The following TMC1 variants were observed in gnomAD, a reference collection of about 807,000 sequenced individuals.
TMC1 encodes the protein transmembrane channel-like protein 1.
Under a neutral mutation model 105.8 loss-of-function variants are expected in TMC1, and 84 were observed. The ratio of observed to expected loss-of-function variants is 0.79; its 90% CI spans 0.67 to 0.95. The LOEUF (loss-of-function observed/expected upper bound fraction) is 0.95. TMC1 is among the 40% of genes least tolerant of loss of function. The pLI, the probability that TMC1 is intolerant of heterozygous loss-of-function variation, is 0.00. For missense variants in TMC1, 817 were observed against 914.1 expected, an observed-to-expected ratio of 0.89 and a Z score of 1.37; for synonymous variants, 315 against 311.5, an observed-to-expected ratio of 1.01 and a Z score of -0.12.
At chr9:72,612,021 C>G (rs531162138) in intron 2 of TMC1, among the ~76,000 whole-genome samples, 3 of 152,118 alleles carry the variant, frequency 2.0e-5, no homozygotes, top group Non-Finnish European at 4.4e-5. Context: ...CCTCCTGCTT[C>G]TGTTTGGATT....
intron 5 of TMC1, among the ~76,000 whole-genome samples, chr9:72,653,835 CA>C (rs1320208771): frequency 6.6e-6 from 1 of 152,144 alleles, no homozygotes; most frequent in Non-Finnish European, 1.5e-5. Flanking sequence ...TGCTTTTTGT[CA>C]GCGTAAATTA....
chr9:72,796,375 AG>A (rs910524662), intron 17 of TMC1, among the ~76,000 whole-genome samples: 4 of 152,196 alleles, frequency 2.6e-5, no homozygotes, highest in Non-Finnish European at 5.9e-5. Context: ...TCATCCTATG[AG>A]GCCAGTATCA....
chr9:72,830,576 A>T, intron 22 of TMC1, 47 bp downstream of exon 22: 1 of 1,601,918 alleles, frequency 6.2e-7, no homozygotes, highest in South Asian at 1.1e-5. Context: ...ATTAATGTCA[A>T]GCAGTAGAAA....
At chr9:72,633,496 G>A (rs1825483182) in intron 4 of TMC1, among the ~76,000 whole-genome samples, 1 of 152,204 alleles carries the variant, frequency 6.6e-6, no homozygotes, top group Non-Finnish European at 1.5e-5. Flanking sequence ...GGTGGTTAAG[G>A]TCATGGGAGT....
At chr9:72,655,824 T>C (rs1825875453) in intron 5 of TMC1, 1 of 686,564 alleles carries the variant, frequency 1.5e-6, no homozygotes, top group Non-Finnish European at 2.6e-6. Context: ...TTTATTAAAA[T>C]AGTTGACTTA....
intron 1 of TMC1, among the ~76,000 whole-genome samples, chr9:72,527,958 G>A (rs1237938461): frequency 6.6e-6 from 1 of 152,056 alleles, no homozygotes; most frequent in Non-Finnish European, 1.5e-5. Flanking sequence ...GTTTTCTTGC[G>A]ATACTTCCCC....
At chr9:72,656,220 T>G in intron 5 of TMC1, 1 of 499,000 alleles carries the variant, frequency 2.0e-6, no homozygotes. Flanking sequence ...CTGACCTACT[T>G]GTTCCGGCAA....
chr9:72,584,091 A>G (rs1306013569), intron 2 of TMC1, among the ~76,000 whole-genome samples: 1 of 152,318 alleles, frequency 6.6e-6, no homozygotes, highest in South Asian at 2.1e-4. Flanking sequence ...AAGAAATACA[A>G]AACAAACTAA....
At chr9:72,657,118 G>C (rs1825896151) in intron 5 of TMC1, among the ~76,000 whole-genome samples, 1 of 152,174 alleles carries the variant, frequency 6.6e-6, no homozygotes, top group Non-Finnish European at 1.5e-5. Context: ...AGCTCTCTCT[G>C]TATCACTGTT....
At chr9:72,526,813 G>A (rs1475523529) in intron 1 of TMC1, among the ~76,000 whole-genome samples, 1 of 152,156 alleles carries the variant, frequency 6.6e-6, no homozygotes, top group Non-Finnish European at 1.5e-5. Flanking sequence ...CAGGCTTGGA[G>A]ACCACATATG....
intron 1 of TMC1, among the ~76,000 whole-genome samples, chr9:72,546,222 G>C (rs1823766539): frequency 6.6e-6 from 1 of 152,098 alleles, no homozygotes; most frequent in Middle Eastern, 3.2e-3. Flanking sequence ...GAATGCAGAA[G>C]GCGGAGGTTG....
At chr9:72,805,690 G>A (rs536275576) in intron 18 of TMC1, among the ~76,000 whole-genome samples, 180 bp downstream of exon 18, 9 of 151,426 alleles carry the variant, frequency 5.9e-5, no homozygotes, top group Non-Finnish European at 1.3e-4. Flanking sequence ...AGGACCCTGC[G>A]GCCTTCCGCA....
intron 23 of TMC1, among the ~76,000 whole-genome samples, chr9:72,833,828 C>A (rs1163259910): frequency 6.6e-6 from 1 of 152,124 alleles, no homozygotes; most frequent in African/African-American, 2.4e-5. Context: ...CTTTCTTGAG[C>A]AACTTGTATT....
chr9:72,814,538 A>C (rs918259655), intron 18 of TMC1, among the ~76,000 whole-genome samples: 14 of 152,188 alleles, frequency 9.2e-5, no homozygotes, highest in African/African-American at 3.1e-4. Flanking sequence ...GTGATACTGC[A>C]GTTATCCAGG....
At chr9:72,795,548 A>C (rs1828350145) in intron 17 of TMC1, among the ~76,000 whole-genome samples, 2 of 152,212 alleles carry the variant, frequency 1.3e-5, no homozygotes. Context: ...GGCCAAACTA[A>C]GCTTCCTAAG....
chr9:72,617,861 G>A (rs973186111), intron 3 of TMC1, among the ~76,000 whole-genome samples: 15 of 151,662 alleles, frequency 9.9e-5, no homozygotes, highest in Admixed American at 2.0e-4. Flanking sequence ...GAGCAAACTA[G>A]AGAAAATGTG....
At position 72,669,575 on chromosome 9, in the gene TMC1, T is replaced by C. The variant is rs766502057; in HGVS notation, c.17-19134T>C. Among the ~76,000 whole-genome samples the C allele has an allele frequency of 3.9e-4, 60 of 152,334 alleles. 1 individual carries two copies. The highest frequency in any genetic ancestry group is 1.2e-4 in the Non-Finnish European group (8 of 68,032). ...GAAATATTTATAAATGTTATTTTTA[T>C]TTAAACAATGCATAATTGATATAAC... On this transcript the variant is annotated intron_variant, in intron 5 of 23. Coordinates refer to ENST00000297784, the MANE Select transcript of TMC1 (RefSeq NM_138691.3).
chr9:72,812,278 C>A (rs555995838), intron 18 of TMC1, among the ~76,000 whole-genome samples: 1 of 152,102 alleles, frequency 6.6e-6, no homozygotes, highest in Non-Finnish European at 1.5e-5. Flanking sequence ...TAGCTGGGAA[C>A]GTGGAGATAT....
At chr9:72,617,005 T>G (rs1322726656) in intron 3 of TMC1, among the ~76,000 whole-genome samples, 1 of 152,188 alleles carries the variant, frequency 6.6e-6, no homozygotes, top group African/African-American at 2.4e-5. Context: ...ATAAGGCATT[T>G]ATATTTCATT....
Sources: gnomAD v4.1 joint callset for allele counts (sites outside exome capture counted in the v4.1 genomes callset) on GRCh38, gnomAD v4.1.1 for gene constraint, MANE v1.5 for transcripts, NCBI Gene and HGNC (gene_info 2026-07-23, HGNC 2026-07-21) for gene names.